NFASC: variants seen among roughly 807,000 people sequenced by gnomAD.
NFASC encodes the protein neurofascin.
Under a neutral mutation model 147.5 loss-of-function variants are expected in NFASC, and 43 were observed. That is an observed-to-expected ratio of 0.29 (90% CI 0.23 to 0.38). The LOEUF is 0.38. NFASC is among the 10% of genes least tolerant of loss of function. NFASC has a pLI of 1.00. For synonymous variants in NFASC, 622 were observed against 665.5 expected, an observed-to-expected ratio of 0.93 and a Z score of 1.01; for missense variants, 1,320 against 1,689.0, an observed-to-expected ratio of 0.78 and a Z score of 3.83.
chr1:204,846,069 G>C (rs541211607), intron 1 of NFASC, among the ~76,000 whole-genome samples: 10 of 151,604 alleles, frequency 6.6e-5, no homozygotes, highest in African/African-American at 2.4e-4. Flanking sequence ...TAAAAATGGG[G>C]CCCATGGCTG....
rs924953638 is a variant in NFASC at position 205,017,368 on chromosome 1, G to A, written c.*829G>A. The A allele has an allele frequency of 1.4e-4, 22 of 153,466 alleles. No individual in the cohort carries two copies. Among genetic ancestry groups the A allele is most frequent in the African/African-American group, 5.3e-4 (22 of 41,552 alleles). 9.5% of individuals were successfully genotyped at this position (153,466 alleles called of 1,614,324 possible). ...CTGAAGACGTTTGAGGAACAGGAGTGGGCACTGATAGAAAGGACTTCAACG... is the reference window on the plus strand; with the variant it reads ...CTGAAGACGTTTGAGGAACAGGAGTAGGCACTGATAGAAAGGACTTCAACG... On this transcript the variant is annotated 3_prime_UTR_variant, in exon 30 of 30. Transcript: ENST00000339876.
intron 28 of NFASC, 82 bp from the exon 29 acceptor site, chr1:205,012,715 C>T (rs1435926688): frequency 9.6e-7 from 1 of 1,037,296 alleles, no homozygotes; most frequent in East Asian, 2.4e-5. Flanking sequence ...TGCCTTCTGG[C>T]CCTGCATTCA....
At chr1:204,904,622 A>G (rs1377559304) in intron 1 of NFASC, among the ~76,000 whole-genome samples, 1 of 152,148 alleles carries the variant, frequency 6.6e-6, no homozygotes, top group Non-Finnish European at 1.5e-5. Context: ...CACATTTCTT[A>G]TCTATCTCTG....
At chr1:204,969,300 G>C (rs559772542) in intron 10 of NFASC, among the ~76,000 whole-genome samples, 2 of 151,974 alleles carry the variant, frequency 1.3e-5, no homozygotes, top group Non-Finnish European at 2.9e-5. Flanking sequence ...TTTTCCTTTC[G>C]TTTTGCATTC....
chr1:204,977,041 G>A, intron 16 of NFASC: 1 of 1,265,660 alleles, frequency 7.9e-7, no homozygotes, highest in African/African-American at 1.5e-5. Flanking sequence ...AAAGGGGCCT[G>A]AGTGATATAG....
At chr1:204,983,964 C>T in intron 21 of NFASC, 2 of 1,165,144 alleles carry the variant, frequency 1.7e-6, no homozygotes, top group Non-Finnish European at 2.6e-6. Context: ...CAGCAGAGAA[C>T]AAGTCAGAAG....
Position 204,968,913 on chromosome 1 carries a change from G to A in NFASC, c.934G>A (p.Gly312Arg). 8 of 1,613,978 alleles carry A rather than the reference G, an allele frequency of 5.0e-6. No individual in the cohort carries two copies. The highest frequency in any genetic ancestry group is 6.8e-6 in the Non-Finnish European group (8 of 1,179,974). Residue 312 changes from glycine (G) to arginine (R), a missense_variant, in exon 10 of 30, where the codon GGG (glycine) becomes AGG (arginine). Physicochemically the swap from Gly to Arg is moderately radical, Grantham distance 125. This residue lies in a region of NFASC where 981 missense variants were observed against 1,289.5 expected (regional missense o/e 0.76). Coordinates refer to ENST00000339876, the MANE Select transcript of NFASC (RefSeq NM_001005388.3). This position sits in a 1 kb window ranked among gnomAD's most constrained non-coding sequence, Gnocchi z 5.4. ...CACAAATGTCTCTGAGGAAGACTCCGGGGAGTATTTCTGCCTGGCCTCCAA... is the reference window on the plus strand; with the variant it reads ...CACAAATGTCTCTGAGGAAGACTCCAGGGAGTATTTCTGCCTGGCCTCCAA... ...RITNVSEEDS[G>R]EYFCLASNKM...
chr1:204,935,484 G>A (rs1236386703), intron 2 of NFASC, among the ~76,000 whole-genome samples: 1 of 152,198 alleles, frequency 6.6e-6, no homozygotes, highest in Non-Finnish European at 1.5e-5. Context: ...TGATTGGTTT[G>A]GGAACGTATT....
At chr1:205,002,493 C>A in intron 26 of NFASC, 103 bp from the exon 27 acceptor site, 2 of 1,006,288 alleles carry the variant, frequency 2.0e-6, no homozygotes, top group East Asian at 3.1e-5. Flanking sequence ...TCCCTGGTCC[C>A]TTCCCCCACA....
At position 204,980,357 on chromosome 1, in the gene NFASC, G is replaced by A. The variant is rs780199846; in HGVS notation, c.2177-13G>A. On this transcript the variant is annotated splice_polypyrimidine_tract_variant and intron_variant, in intron 19 of 29. Coordinates refer to ENST00000339876, the MANE Select transcript of NFASC (RefSeq NM_001005388.3). ...ACAAATTGGACTTGAGCCTGTGTCT[G>A]TTTGGGTTCCAGCCCCCGAGTCCAA... 231 of 1,612,070 alleles carry A rather than the reference G, an allele frequency of 1.4e-4. No homozygotes were observed. Among genetic ancestry groups the A allele is most frequent in the Non-Finnish European group, 1.8e-4 (212 of 1,178,710 alleles).
chr1:204,959,226 C>G (rs1427858481), intron 8 of NFASC, among the ~76,000 whole-genome samples: 1 of 152,158 alleles, frequency 6.6e-6, no homozygotes, highest in African/African-American at 2.4e-5. Flanking sequence ...TGCAGTGTCC[C>G]CACACACTGA....
rs1015003865 is a variant in NFASC at position 204,857,916 on chromosome 1, C to T, written c.-200+29134C>T. Among the ~76,000 whole-genome samples the T allele has an allele frequency of 3.5e-3, 465 of 133,672 alleles. 3 individuals are homozygous for T. Among genetic ancestry groups the T allele is most frequent in the African/African-American group, 0.014 (445 of 32,918 alleles). The allele number at this position is 133,672 out of a possible 152,430, so 87.7% of individuals were successfully genotyped here. On this transcript the variant is annotated intron_variant, in intron 1 of 29. Transcript: ENST00000339876. ...TCTGTGTCCTAGTCTCCTTCTTCTT[C>T]TTCTTTTTTTTTTTTTTTTTGAGAT...
intron 27 of NFASC, among the ~76,000 whole-genome samples, chr1:205,004,288 C>G (rs1487201395): frequency 6.6e-6 from 1 of 152,256 alleles, no homozygotes; most frequent in African/African-American, 2.4e-5. Flanking sequence ...GGTTCAGGCC[C>G]TGCCCTCAGG....
chr1:204,846,385 G>A (rs1486453559), intron 1 of NFASC, among the ~76,000 whole-genome samples: 2 of 152,076 alleles, frequency 1.3e-5, no homozygotes, highest in African/African-American at 4.8e-5. Flanking sequence ...AATACACTAA[G>A]CCAATATATT....
chr1:205,011,991 A>C (rs1337946652), intron 28 of NFASC, among the ~76,000 whole-genome samples: 1 of 152,192 alleles, frequency 6.6e-6, no homozygotes, highest in Non-Finnish European at 1.5e-5. Context: ...GGGCATGAGA[A>C]TCGCTTGAAC....
intron 1 of NFASC, among the ~76,000 whole-genome samples, chr1:204,850,629 C>G (rs2075589985): frequency 6.6e-6 from 1 of 152,210 alleles, no homozygotes; most frequent in Admixed American, 6.5e-5. Context: ...GTGTATGGCA[C>G]TTCTCCTTTG....
At chr1:205,013,696 T>G (rs1574531787) in intron 29 of NFASC, among the ~76,000 whole-genome samples, 1 of 152,308 alleles carries the variant, frequency 6.6e-6, no homozygotes, top group Middle Eastern at 3.4e-3. Flanking sequence ...GAGTGGGCTG[T>G]GGAGTGTCAT....
chr1:204,870,085 G>A (rs1260226120), intron 1 of NFASC, among the ~76,000 whole-genome samples: 1 of 152,194 alleles, frequency 6.6e-6, no homozygotes, highest in Non-Finnish European at 1.5e-5. Flanking sequence ...TACACTCTAG[G>A]AGAATCTCTG....
chr1:204,920,706 G>T lies in NFASC; in HGVS notation c.-125G>T. On this transcript the variant is annotated 5_prime_UTR_variant, in exon 2 of 30. Transcript: ENST00000339876. The stretch of plus-strand genomic sequence containing the variant: ...GCAGCCTGGAACAGAGCCTCCTCTG[G>T]TGTTGCAAGGAAGAGGCTGAATGAG... The T allele has an allele frequency of 7.8e-7, 1 of 1,289,620 alleles. No homozygotes were observed. Among genetic ancestry groups the T allele is most frequent in the South Asian group, 1.2e-5 (1 of 81,016 alleles). 79.9% of individuals were successfully genotyped at this position (1,289,620 alleles called of 1,614,324 possible).
Sources: gnomAD v4.1 joint callset for allele counts (sites outside exome capture counted in the v4.1 genomes callset) on GRCh38, gnomAD v4.1.1 for gene constraint, gnomAD v4.1.1 regional missense constraint, Gnocchi (gnomAD v3.1) non-coding constraint, MANE v1.5 for transcripts, NCBI Gene and HGNC (gene_info 2026-07-23, HGNC 2026-07-21) for gene names.